The following ATP2B2 variants were observed in gnomAD, a reference collection of about 807,000 sequenced individuals.
The protein encoded by ATP2B2 is ATPase plasma membrane Ca2+ transporting 2.
A neutral mutation model predicts 120.0 loss-of-function variants in ATP2B2; 15 were observed. That is an observed-to-expected ratio of 0.12 (90% CI 0.08 to 0.19). ATP2B2 has a LOEUF of 0.19. ATP2B2 is among the 10% of genes least tolerant of loss of function. ATP2B2 has a pLI of 1.00. For synonymous variants in ATP2B2, 694 were observed against 700.3 expected (o/e 0.99, Z 0.14); for missense variants, 1,045 against 1,719.8 (o/e 0.61, Z 6.94).
chr3:10,517,021 C>T (rs2066890156), intron 3 of ATP2B2, among the ~76,000 whole-genome samples: 1 of 152,038 alleles, frequency 6.6e-6, no homozygotes, highest in South Asian at 2.1e-4. Context: ...TATTTATAGC[C>T]AGCTCCTGTA....
At chr3:10,424,110 C>T (rs932521516) in intron 2 of ATP2B2, among the ~76,000 whole-genome samples, 3 of 152,182 alleles carry the variant, frequency 2.0e-5, no homozygotes, top group African/African-American at 4.8e-5. Flanking sequence ...GCAGACAGGC[C>T]GGCAAGAAAT....
intron 3 of ATP2B2, among the ~76,000 whole-genome samples, chr3:10,525,370 G>A (rs2067070818): frequency 6.6e-6 from 1 of 152,106 alleles, no homozygotes; most frequent in East Asian, 1.9e-4. Context: ...TAACCTTTTT[G>A]TTTTAGAAGA....
At chr3:10,361,875 G>A (rs986679153) in intron 12 of ATP2B2, among the ~76,000 whole-genome samples, 3 of 152,228 alleles carry the variant, frequency 2.0e-5, no homozygotes, top group Non-Finnish European at 4.4e-5. Context: ...TTGCTAGATG[G>A]CTTAATGCAG....
At chr3:10,519,446 C>T (rs2066939166) in intron 3 of ATP2B2, among the ~76,000 whole-genome samples, 1 of 152,168 alleles carries the variant, frequency 6.6e-6, no homozygotes, top group South Asian at 2.1e-4. Context: ...AGCTGGGACT[C>T]CTGTCAAGGT....
chr3:10,331,138 C>A (rs2059967668), intron 22 of ATP2B2, among the ~76,000 whole-genome samples: 1 of 152,206 alleles, frequency 6.6e-6, no homozygotes, highest in African/African-American at 2.4e-5. Flanking sequence ...CAAATAAGAG[C>A]CAGCCAGACA....
At chr3:10,498,215 C>T (rs1044373834) in intron 1 of ATP2B2, among the ~76,000 whole-genome samples, 4 of 152,162 alleles carry the variant, frequency 2.6e-5, no homozygotes, top group African/African-American at 7.2e-5. Flanking sequence ...GTGGAGGGAA[C>T]GGAGGCTTGG....
intron 2 of ATP2B2, among the ~76,000 whole-genome samples, chr3:10,585,084 G>A (rs1448296430): frequency 6.6e-6 from 1 of 152,022 alleles, no homozygotes; most frequent in Admixed American, 6.6e-5. Flanking sequence ...AACTCTCTCT[G>A]GCTCACACAC....
At chr3:10,647,860 C>T (rs954191365) in intron 1 of ATP2B2, among the ~76,000 whole-genome samples, 26 of 152,308 alleles carry the variant, frequency 1.7e-4, no homozygotes, top group African/African-American at 5.3e-4. Flanking sequence ...CACAAAAGAA[C>T]TCTTCTCTCA....
chr3:10,338,525 T>C lies in ATP2B2; in HGVS notation c.3238-167A>G, dbSNP rs28131. 0.53 allele frequency among the ~76,000 whole-genome samples: 62,432 copies of C among 118,400 alleles called. 17,125 individuals carry two copies. Among genetic ancestry groups the C allele is most frequent in the East Asian group, 0.81 (2,848 of 3,532 alleles). 77.7% of individuals were successfully genotyped at this position (118,400 alleles called of 152,430 possible). A position where few individuals can be genotyped will look rare whatever the true frequency, so the allele number is the denominator to read the frequency against. On this transcript the variant is annotated intron_variant, in intron 21 of 22. Transcript: ENST00000360273. The stretch of plus-strand genomic sequence containing the variant: ...TTCCTCAGCCCAGTCTTTGACAATG[T>C]CTTTTTTTTTTTTTTTTTTTTTTTT...
chr3:10,456,077 T>C (rs1559360591), intron 1 of ATP2B2, among the ~76,000 whole-genome samples: 1 of 151,814 alleles, frequency 6.6e-6, no homozygotes, highest in East Asian at 1.9e-4. Context: ...AGAAGGGAGG[T>C]TGGGAGAGGA....
intron 2 of ATP2B2, 52 bp from the exon 3 acceptor site, chr3:10,410,867 AT>A: frequency 6.3e-7 from 1 of 1,583,378 alleles, no homozygotes; most frequent in Non-Finnish European, 8.6e-7. Flanking sequence ...AGATGCAGGC[AT>A]GTTCTGGGAA....
At chr3:10,591,581 G>A (rs1212268604) in intron 2 of ATP2B2, among the ~76,000 whole-genome samples, 1 of 152,148 alleles carries the variant, frequency 6.6e-6, no homozygotes, top group African/African-American at 2.4e-5. Flanking sequence ...GTGCTCACCT[G>A]TCTTAAAAAC....
chr3:10,362,994 G>T (rs1446847822), intron 12 of ATP2B2, among the ~76,000 whole-genome samples: 1 of 152,006 alleles, frequency 6.6e-6, no homozygotes, highest in Non-Finnish European at 1.5e-5. Flanking sequence ...AGAAAATGAC[G>T]ACACAGAGGA....
At chr3:10,707,057 C>T (rs2071906687) in intron 1 of ATP2B2, among the ~76,000 whole-genome samples, 1 of 152,222 alleles carries the variant, frequency 6.6e-6, no homozygotes, top group Non-Finnish European at 1.5e-5. Context: ...CCTGAGGCCT[C>T]AGGGCAAGGA....
chr3:10,587,661 T>A (rs2068542755), intron 2 of ATP2B2, among the ~76,000 whole-genome samples: 1 of 152,238 alleles, frequency 6.6e-6, no homozygotes, highest in Non-Finnish European at 1.5e-5. Context: ...ATTACAGGCA[T>A]GAGCCACCGC....
chr3:10,592,865 C>T (rs1188390735), intron 2 of ATP2B2, among the ~76,000 whole-genome samples: 2 of 152,250 alleles, frequency 1.3e-5, no homozygotes, highest in Admixed American at 1.3e-4. Context: ...TCACTGCAGC[C>T]TCGACCTCCT....
intron 12 of ATP2B2, among the ~76,000 whole-genome samples, chr3:10,365,702 G>A (rs2061026801): frequency 7.1e-6 from 1 of 140,878 alleles, no homozygotes; most frequent in African/African-American, 2.7e-5. Flanking sequence ...TTTGGTCTGT[G>A]TGTCTGTGGT....
chr3:10,358,647 C>A, intron 14 of ATP2B2, 44 bp downstream of exon 14: 1 of 1,605,950 alleles, frequency 6.2e-7, no homozygotes, highest in African/African-American at 1.3e-5. Context: ...GCTGGCCTCC[C>A]AGCCTCATCC....
At chr3:10,502,261 C>G (rs1041368166) in intron 1 of ATP2B2, among the ~76,000 whole-genome samples, 1 of 152,252 alleles carries the variant, frequency 6.6e-6, no homozygotes, top group Non-Finnish European at 1.5e-5. Context: ...CCTTCGTGCA[C>G]AGCCCTCTAC....
Sources: gnomAD v4.1 joint callset for allele counts (sites outside exome capture counted in the v4.1 genomes callset) on GRCh38, gnomAD v4.1.1 for gene constraint, MANE v1.5 for transcripts, NCBI Gene and HGNC (gene_info 2026-07-23, HGNC 2026-07-21) for gene names.